The following MIPEP variants were observed in gnomAD, a reference collection of about 807,000 sequenced individuals.
MIPEP encodes the protein mitochondrial intermediate peptidase.
In MIPEP, 79 loss-of-function variants were observed where a neutral mutation model predicts 90.3. The ratio of observed to expected loss-of-function variants is 0.87; its 90% confidence interval spans 0.73 to 1.05. MIPEP has a LOEUF of 1.05. MIPEP is among the 50% of genes least tolerant of loss of function. The probability of loss-of-function intolerance (pLI) is 0.00; values close to 1 mark genes in which losing one functional copy is unlikely to be tolerated. For synonymous variants in MIPEP, 334 were observed against 315.8 expected (o/e 1.06, Z -0.61); for missense variants, 940 against 905.6 (o/e 1.04, Z -0.49).
chr13:23,860,446 A>G (rs6490836), intron 9 of MIPEP, among the ~76,000 whole-genome samples: 143,110 of 152,330 alleles, frequency 0.94, 67,256 homozygotes, highest in East Asian at 1. Context: ...TCACATGAGC[A>G]TCACACAGGT....
In MIPEP at chr13:23,734,235, C is replaced by A. The variant is rs191972192; in HGVS notation, c.2045-3790G>T. ...GGGGTTGCCTCTCTCAGCTTTGGCG[C>A]CCTCCTCCTCTGTACAGGGTAGCTT... On this transcript the variant is annotated intron_variant, in intron 18 of 18. Coordinates refer to ENST00000382172, the MANE Select transcript of MIPEP (RefSeq NM_005932.4). Among the ~76,000 whole-genome samples the A allele has an allele frequency of 2.2e-4, 33 of 152,286 alleles. 1 individual carries two copies. The East Asian group carries it at 6.4e-3, about 29-fold the overall frequency.
At chr13:23,828,146 A>G (rs1868554923) in intron 14 of MIPEP, among the ~76,000 whole-genome samples, 1 of 152,232 alleles carries the variant, frequency 6.6e-6, no homozygotes, top group African/African-American at 2.4e-5. Flanking sequence ...CCCATTAATG[A>G]TTTAAAAAAA....
chr13:23,730,756 A>AT (rs968567178), intron 18 of MIPEP, among the ~76,000 whole-genome samples: 14 of 151,894 alleles, frequency 9.2e-5, no homozygotes, highest in South Asian at 8.3e-4. Flanking sequence ...TAGAAGACTG[A>AT]TTTTTTTTTA....
At chr13:23,870,654 A>G (rs1171340714) in intron 5 of MIPEP, among the ~76,000 whole-genome samples, 1 of 151,994 alleles carries the variant, frequency 6.6e-6, no homozygotes, top group African/African-American at 2.4e-5. Context: ...AAAATACAAA[A>G]ATTAGCTGGG....
At chr13:23,734,869 T>A (rs1212686943) in intron 18 of MIPEP, among the ~76,000 whole-genome samples, 1 of 152,040 alleles carries the variant, frequency 6.6e-6, no homozygotes, top group Non-Finnish European at 1.5e-5. Context: ...GGAAAAGGGG[T>A]CCTTAGGAAG....
At chr13:23,738,412 G>A (rs1411962665) in intron 18 of MIPEP, among the ~76,000 whole-genome samples, 1 of 151,280 alleles carries the variant, frequency 6.6e-6, no homozygotes, top group Non-Finnish European at 1.5e-5. Context: ...CAAAAGATTA[G>A]AGATCCCTGT....
At chr13:23,750,836 A>C (rs1332273916) in intron 18 of MIPEP, among the ~76,000 whole-genome samples, 1 of 152,204 alleles carries the variant, frequency 6.6e-6, no homozygotes, top group Non-Finnish European at 1.5e-5. Context: ...CAAGACTGTG[A>C]TTTATTTGGC....
At chr13:23,805,081 T>C (rs6490827) in intron 16 of MIPEP, among the ~76,000 whole-genome samples, 147,807 of 152,302 alleles carry the variant, frequency 0.97, 71,865 homozygotes, top group East Asian at 1. Context: ...AACACCCCTA[T>C]ACCCCTGCAC....
chr13:23,839,258 A>T (rs1309282135), intron 12 of MIPEP, among the ~76,000 whole-genome samples: 1 of 152,222 alleles, frequency 6.6e-6, no homozygotes, highest in Non-Finnish European at 1.5e-5. Flanking sequence ...AAGTCCTAGC[A>T]CTTCTGGCCA....
At chr13:23,790,532 G>A (rs1565994936) in intron 16 of MIPEP, among the ~76,000 whole-genome samples, 1 of 152,152 alleles carries the variant, frequency 6.6e-6, no homozygotes, top group Non-Finnish European at 1.5e-5. Context: ...AATTATCTGA[G>A]TACGCCCTAG....
At chr13:23,802,228 T>G (rs1232247475) in intron 16 of MIPEP, among the ~76,000 whole-genome samples, 1 of 152,236 alleles carries the variant, frequency 6.6e-6, no homozygotes, top group Admixed American at 6.5e-5. Context: ...TTATTTTACG[T>G]CATTTTTTGC....
chr13:23,871,282 G>A (rs1422375243), intron 5 of MIPEP, among the ~76,000 whole-genome samples: 2 of 152,300 alleles, frequency 1.3e-5, no homozygotes, highest in Non-Finnish European at 2.9e-5. Context: ...CTGAGAAAAC[G>A]TGTATTAGCA....
At chr13:23,792,049 T>A (rs1439063327) in intron 16 of MIPEP, among the ~76,000 whole-genome samples, 1 of 152,194 alleles carries the variant, frequency 6.6e-6, no homozygotes, top group Admixed American at 6.5e-5. Flanking sequence ...CTCTTTTTCC[T>A]CCTGCCTCAT....
chr13:23,843,307 C>T (rs368147058), intron 10 of MIPEP, among the ~76,000 whole-genome samples: 1 of 151,890 alleles, frequency 6.6e-6, no homozygotes, highest in Non-Finnish European at 1.5e-5. Context: ...AGAATGGGAG[C>T]GGAGTCTGGA....
chr13:23,762,247 A>G (rs1952554687), intron 16 of MIPEP, among the ~76,000 whole-genome samples: 1 of 152,218 alleles, frequency 6.6e-6, no homozygotes, highest in African/African-American at 2.4e-5. Context: ...AAGAATAAAC[A>G]AAGTATAATC....
rs539881666 is a variant in MIPEP, at chr13:23,878,383, C to T, written c.539+885G>A. Among the ~76,000 whole-genome samples the T allele has an allele frequency of 1.8e-4, 28 of 152,222 alleles. 1 individual carries two copies. The South Asian group carries it at 5.6e-3, about 30-fold the overall frequency. On this transcript the variant is annotated intron_variant, in intron 4 of 18. Coordinates refer to ENST00000382172, the MANE Select transcript of MIPEP (RefSeq NM_005932.4). ...ACTGAGTTACTCACATACCATGCTG[C>T]TCATGTATTAGATTAACAGCAAACT...
chr13:23,819,090 T>C (rs2137425573), intron 14 of MIPEP, among the ~76,000 whole-genome samples: 1 of 152,362 alleles, frequency 6.6e-6, no homozygotes, highest in Middle Eastern at 3.4e-3. Context: ...CTACCAGAAC[T>C]AGCTAGGTTT....
chr13:23,753,232 A>T (rs544215805), intron 18 of MIPEP, among the ~76,000 whole-genome samples: 1,687 of 151,222 alleles, frequency 0.011, 16 homozygotes, highest in Middle Eastern at 0.034. Context: ...TCAAAAAAAA[A>T]AAAAAAAATA....
At chr13:23,764,193 T>C (rs1565985487) in intron 16 of MIPEP, among the ~76,000 whole-genome samples, 1 of 152,190 alleles carries the variant, frequency 6.6e-6, no homozygotes, top group Non-Finnish European at 1.5e-5. Context: ...GAGACATAGA[T>C]TTTCAAATCC....
Sources: allele counts gnomAD v4.1 joint callset (sites outside exome capture counted in the v4.1 genomes callset), GRCh38; gene constraint gnomAD v4.1.1; transcripts MANE v1.5; gene names NCBI Gene and HGNC (gene_info 2026-07-23, HGNC 2026-07-21).